PI4KA: variants seen among roughly 807,000 people sequenced by gnomAD.
PI4KA encodes phosphatidylinositol 4-kinase alpha, also known as PI4-kinase alpha.
Under a neutral mutation model 271.4 loss-of-function variants are expected in PI4KA, and 122 were observed. That is an observed-to-expected ratio of 0.45 (90% confidence interval 0.39 to 0.52). PI4KA has a LOEUF of 0.52. Ranked by LOEUF, PI4KA falls within the 20% of genes least tolerant of loss-of-function variation. The pLI, the probability that PI4KA is intolerant of heterozygous loss-of-function variation, is 0.00. For missense variants in PI4KA, 1,969 were observed against 2,769.1 expected (o/e 0.71, Z 6.48); for synonymous variants, 1,041 against 1,078.8 (o/e 0.96, Z 0.69).
At chr22:20,770,887 A>C (rs1231882443) in intron 19 of PI4KA, among the ~76,000 whole-genome samples, 3 of 152,126 alleles carry the variant, frequency 2.0e-5, no homozygotes, top group African/African-American at 7.2e-5. Flanking sequence ...TTCATGTTAA[A>C]AGATGGAAAA....
intron 27 of PI4KA, among the ~76,000 whole-genome samples, chr22:20,750,402 A>G (rs1235286361): frequency 6.6e-6 from 1 of 152,164 alleles, no homozygotes; most frequent in Non-Finnish European, 1.5e-5. Context: ...CAGAACTGTA[A>G]GACAATCAAT....
chr22:20,731,713 A>C (rs1928075187), intron 36 of PI4KA, among the ~76,000 whole-genome samples: 1 of 152,190 alleles, frequency 6.6e-6, no homozygotes, highest in Non-Finnish European at 1.5e-5. Context: ...GCAGATCACG[A>C]GGTCAGGAAA....
At chr22:20,793,153 A>T in intron 19 of PI4KA, 40 bp downstream of exon 19, 1 of 1,176,066 alleles carries the variant, frequency 8.5e-7, no homozygotes. Context: ...GCATGAACAC[A>T]GTATCTGCAG....
chr22:20,844,901 AAAAT>A (rs1237540916), intron 1 of PI4KA, among the ~76,000 whole-genome samples: 1 of 152,228 alleles, frequency 6.6e-6, no homozygotes, highest in Non-Finnish European at 1.5e-5. Context: ...AATGAAAAGA[AAAAT>A]AACATCAAAT....
At chr22:20,743,757 G>A (rs948812849) in intron 30 of PI4KA, among the ~76,000 whole-genome samples, 5 of 152,116 alleles carry the variant, frequency 3.3e-5, no homozygotes, top group Admixed American at 1.3e-4. Context: ...AGGGAGCTTA[G>A]AAATGGCATA....
chr22:20,751,637 G>T, intron 26 of PI4KA, 37 bp downstream of exon 26: 1 of 1,530,956 alleles, frequency 6.5e-7, no homozygotes, highest in Non-Finnish European at 9.1e-7. Context: ...GGTAGAGCGG[G>T]TGGTGTTTGG....
chr22:20,828,927 T>C (rs1601584675), intron 3 of PI4KA, among the ~76,000 whole-genome samples: 1 of 152,168 alleles, frequency 6.6e-6, no homozygotes, highest in African/African-American at 2.4e-5. Flanking sequence ...GATAATCACA[T>C]GGTTTTTGTT....
At chr22:20,758,547 G>A (rs376283381) in intron 23 of PI4KA, among the ~76,000 whole-genome samples, 39 of 139,390 alleles carry the variant, frequency 2.8e-4, no homozygotes, top group African/African-American at 7.8e-4. Flanking sequence ...CTTCCAATGT[G>A]GCTCAAGGAA....
intron 19 of PI4KA, among the ~76,000 whole-genome samples, chr22:20,768,521 C>T (rs374116753): frequency 8.5e-4 from 130 of 152,290 alleles, no homozygotes; most frequent in African/African-American, 2.8e-3. Flanking sequence ...AAAGCAGCCA[C>T]ATGTTAAGAT....
At chr22:20,802,692 C>A (rs186313566) in intron 13 of PI4KA, among the ~76,000 whole-genome samples, 335 of 152,280 alleles carry the variant, frequency 2.2e-3, no homozygotes, top group Middle Eastern at 0.014. Flanking sequence ...AGCGCCATCA[C>A]GCCTGGCTAA....
chr22:20,787,150 C>A, intron 19 of PI4KA: 1 of 1,263,872 alleles, frequency 7.9e-7, no homozygotes, highest in Non-Finnish European at 1.2e-6. Flanking sequence ...GATGTTCTGG[C>A]ATCATTTACG....
rs535426206 is a variant in PI4KA at position 20,751,725 on chromosome 22, C to T, written c.3018G>A (p.Val1006=). 3 of 1,614,146 alleles carry T rather than the reference C, an allele frequency of 1.9e-6. No homozygotes were observed. Among genetic ancestry groups the T allele is most frequent in the Admixed American group, 3.3e-5 (2 of 60,026 alleles). Residue 1006 remains valine, a synonymous_variant, in exon 26 of 55, where the codon GTG becomes GTA. Coordinates refer to ENST00000255882, the MANE Select transcript of PI4KA (RefSeq NM_058004.4). ...GCAGGATGTCCAGCATGGTCTTCAG[C>T]ACAGTCCCGCTCCAGAGCAAGTGGG... ...KFPHLLWSGT[V]LKTMLDILQT... is the part of the protein sequence containing the mutation.
chr22:20,836,749 G>A (rs776764174), intron 2 of PI4KA, among the ~76,000 whole-genome samples: 10 of 152,152 alleles, frequency 6.6e-5, no homozygotes, highest in Non-Finnish European at 1.0e-4. Context: ...ATGCAAGGCC[G>A]GTGGGCTGCC....
Position 20,742,741 on chromosome 22 carries a change from T to C in PI4KA, c.3480A>G (p.Ser1160=). 1 of 1,614,126 alleles carries C rather than the reference T, an allele frequency of 6.2e-7. No individual in the cohort carries two copies. Among genetic ancestry groups the C allele is most frequent in the South Asian group, 1.1e-5 (1 of 91,082 alleles). The change falls in exon 31 of 55, where the codon TCA becomes TCG. Residue 1160 remains serine (S), a synonymous_variant. Coordinates refer to ENST00000255882, the MANE Select transcript of PI4KA (RefSeq NM_058004.4). ...GGTCAGACATCTGGCCTGTGGTGCC[T>C]GAGAACCGAATCATTCCATACACCT... is the stretch of plus-strand genomic sequence containing the variant. ...AGEVYGMIRF[S]GTTGQMSDLN... is the part of the protein sequence containing the mutation.
intron 28 of PI4KA, among the ~76,000 whole-genome samples, chr22:20,748,990 T>A (rs544322787): frequency 4.9e-4 from 75 of 152,346 alleles, no homozygotes; most frequent in African/African-American, 1.8e-3. Context: ...CATTTCCTTC[T>A]TAGGCCAGAC....
At chr22:20,837,421 A>T (rs1198246669) in intron 2 of PI4KA, among the ~76,000 whole-genome samples, 1 of 152,206 alleles carries the variant, frequency 6.6e-6, no homozygotes, top group Non-Finnish European at 1.5e-5. Context: ...TAGCTTATGT[A>T]TCTAATTTTG....
intron 8 of PI4KA, among the ~76,000 whole-genome samples, chr22:20,811,983 A>T (rs2147654354): frequency 6.8e-6 from 1 of 146,574 alleles, no homozygotes; most frequent in South Asian, 2.2e-4. Flanking sequence ...ACTGCACTCC[A>T]GCTTGGGCGA....
Position 20,759,402 on chromosome 22 carries a change from C to CTTTTTTTTTTTT in PI4KA, c.2791+1890_2791+1901dup, listed in dbSNP as rs886192073. Among the ~76,000 whole-genome samples the CTTTTTTTTTTTT allele has an allele frequency of 7.3e-4, 75 of 102,880 alleles. 2 individuals are homozygous for CTTTTTTTTTTTT. Among genetic ancestry groups the CTTTTTTTTTTTT allele is most frequent in the African/African-American group, 1.7e-3 (46 of 26,724 alleles). The allele number at this position is 102,880 out of a possible 152,430, so 67.5% of individuals were successfully genotyped here. A position where few individuals can be genotyped will look rare whatever the true frequency, so the allele number is the denominator to read the frequency against. The stretch of plus-strand genomic sequence containing the variant: ...TTGATTTTTCTTTTTCTTTTCTTTT[C>CTTTTTTTTTTTT]TTTTTTTTTTTTTTTTTTTTTGAGA... On this transcript the variant is annotated intron_variant, in intron 23 of 54. Transcript: ENST00000255882.
At chr22:20,805,904 A>G (rs1935628203) in intron 10 of PI4KA, among the ~76,000 whole-genome samples, 1 of 151,936 alleles carries the variant, frequency 6.6e-6, no homozygotes, top group Non-Finnish European at 1.5e-5. Context: ...TTGAGAAGAG[A>G]ATTATCTGGA....
Sources: gnomAD v4.1 joint callset for allele counts (sites outside exome capture counted in the v4.1 genomes callset) on GRCh38, gnomAD v4.1.1 for gene constraint, MANE v1.5 for transcripts, NCBI Gene and HGNC (gene_info 2026-07-23, HGNC 2026-07-21) for gene names.